Variants in COL9A1 observed in about 807,000 individuals in gnomAD.
COL9A1 encodes the protein collagen type IX alpha 1 chain.
In COL9A1, 104 loss-of-function variants were observed where a neutral mutation model predicts 142.6. The ratio of observed to expected loss-of-function variants is 0.73; its 90% CI spans 0.62 to 0.86. COL9A1 has a LOEUF of 0.86. COL9A1 is among the 40% of genes least tolerant of loss of function. The pLI is 0.00. For missense variants in COL9A1, 1,210 were observed against 1,176.6 expected, an observed-to-expected ratio of 1.03 and a Z score of -0.42; for synonymous variants, 466 against 396.0, an observed-to-expected ratio of 1.18 and a Z score of -2.10.
At chr6:70,274,651 C>A in intron 11 of COL9A1, 68 bp downstream of exon 11, 11 of 1,309,132 alleles carry the variant, frequency 8.4e-6, no homozygotes, top group Non-Finnish European at 1.2e-5. Context: ...AGTTGGCTTG[C>A]AAACACTGCA....
rs775972757 is a variant in COL9A1, at chr6:70,255,396, T to C, written c.1504-6A>G. On this transcript the variant is annotated splice_polypyrimidine_tract_variant and splice_region_variant and intron_variant, in intron 21 of 37. Transcript: ENST00000357250. ...CCTCGCTGTCCTTGATCACCCTGTA[T>C]GAAAATAAAATTTTGTTAATACAAG... is the stretch of plus-strand genomic sequence containing the variant. 6.2e-7 allele frequency: 1 copy of C among 1,613,938 alleles called. No homozygotes were observed. The highest frequency in any genetic ancestry group is 8.5e-7 in the Non-Finnish European group (1 of 1,179,822).
At chr6:70,263,594 CAA>C (rs1045744050) in intron 18 of COL9A1, among the ~76,000 whole-genome samples, 32 of 151,654 alleles carry the variant, frequency 2.1e-4, no homozygotes, top group African/African-American at 4.8e-4. Flanking sequence ...GGAAGAGAGA[CAA>C]AGATATCAAG....
At chr6:70,263,355 T>C (rs954147871) in intron 18 of COL9A1, 58 bp from the exon 19 acceptor site, 14 of 1,470,756 alleles carry the variant, frequency 9.5e-6, no homozygotes, top group Non-Finnish European at 1.3e-5. Context: ...CAAACGAACA[T>C]AGAAATAGGC....
chr6:70,290,812 G>C (rs1773630532), intron 5 of COL9A1, among the ~76,000 whole-genome samples: 1 of 152,126 alleles, frequency 6.6e-6, no homozygotes, highest in Non-Finnish European at 1.5e-5. Flanking sequence ...AATGTAGAGT[G>C]TCAAAGATTA....
Position 70,280,995 on chromosome 6 carries a change from T to C in COL9A1, c.912+9A>G. The C allele has an allele frequency of 6.2e-7, 1 of 1,613,588 alleles. No individual in the cohort carries two copies. The highest frequency in any genetic ancestry group is 1.1e-5 in the South Asian group (1 of 91,074). On this transcript the variant is annotated intron_variant, in intron 9 of 37. Transcript: ENST00000357250. The stretch of plus-strand genomic sequence containing the variant: ...GGAAGTGGAGCGCCATATGCTCCAA[T>C]CAACTTACCGGGGGGCCCGGGGGGC...
At chr6:70,265,893 T>C (rs920348154) in intron 18 of COL9A1, among the ~76,000 whole-genome samples, 2 of 152,134 alleles carry the variant, frequency 1.3e-5, no homozygotes, top group Non-Finnish European at 2.9e-5. Context: ...GCCTCTTGAG[T>C]TCTTGACTTC....
chr6:70,274,873 T>C, intron 10 of COL9A1, 101 bp from the exon 11 acceptor site: 8 of 899,210 alleles, frequency 8.9e-6, no homozygotes, highest in Non-Finnish European at 1.5e-5. Context: ...TACAGGATGG[T>C]TACATAAGTA....
rs140561415 is a variant in COL9A1, at chr6:70,286,317, C to T, written c.697-2497G>A. On this transcript the variant is annotated intron_variant, in intron 5 of 37. Coordinates refer to ENST00000357250, the MANE Select transcript of COL9A1 (RefSeq NM_001851.6). ...CTCTCTATTCTTTTACCAAGGTTAA[C>T]GATTTCTACTTATTTTGCCAGGTTG... 2.2e-3 allele frequency among the ~76,000 whole-genome samples: 329 copies of T among 152,246 alleles called. 2 individuals carry two copies. Among genetic ancestry groups the T allele is most frequent in the African/African-American group, 7.4e-3 (309 of 41,540 alleles).
At chr6:70,280,292 A>T in intron 10 of COL9A1, 1 of 1,231,478 alleles carries the variant, frequency 8.1e-7, no homozygotes, top group Admixed American at 3.8e-5. Flanking sequence ...ATCCCCACTC[A>T]CTTCAAGTGC....
At position 70,228,774 on chromosome 6, in the gene COL9A1, C is replaced by T. The variant is rs77452183; in HGVS notation, c.2504-2765G>A. Among the ~76,000 whole-genome samples, 1,172 of 152,154 alleles carry T rather than the reference C, an allele frequency of 7.7e-3. 8 individuals are homozygous for T. The highest frequency in any genetic ancestry group is 0.012 in the Non-Finnish European group (843 of 67,974). ...ATTTAAATTTATATAAATACTATGACGGATTGAACTCAGGTTGAACTCATA... is the reference window on the plus strand; with the variant it reads ...ATTTAAATTTATATAAATACTATGATGGATTGAACTCAGGTTGAACTCATA... On this transcript the variant is annotated intron_variant, in intron 36 of 37. Coordinates refer to ENST00000357250, the MANE Select transcript of COL9A1 (RefSeq NM_001851.6).
Position 70,217,095 on chromosome 6 carries a change from A to G in COL9A1, c.2582-14T>C. On this transcript the variant is annotated splice_polypyrimidine_tract_variant and intron_variant, in intron 37 of 37. Coordinates refer to ENST00000357250, the MANE Select transcript of COL9A1 (RefSeq NM_001851.6). The stretch of plus-strand genomic sequence containing the variant: ...GGCCTGGGTCACCTGAAACACACAG[A>G]AGATTGCACATGTGAACAGGAGAAT... The G allele has an allele frequency of 6.2e-7, 1 of 1,613,678 alleles. No individual in the cohort carries two copies. The highest frequency in any genetic ancestry group is 8.5e-7 in the Non-Finnish European group (1 of 1,179,816).
At chr6:70,267,626 G>T (rs1772114801) in intron 17 of COL9A1, among the ~76,000 whole-genome samples, 1 of 152,090 alleles carries the variant, frequency 6.6e-6, no homozygotes, top group Admixed American at 6.5e-5. Flanking sequence ...CCGGCCTACT[G>T]TGTACAGTTT....
At position 70,266,783 on chromosome 6, in the gene COL9A1, A is replaced by G. The variant is rs1772045513; in HGVS notation, c.1288-13T>C. 1.2e-6 allele frequency: 2 copies of G among 1,610,188 alleles called. No individual in the cohort carries two copies. The highest frequency in any genetic ancestry group is 8.5e-7 in the Non-Finnish European group (1 of 1,176,684). On this transcript the variant is annotated splice_polypyrimidine_tract_variant and intron_variant, in intron 17 of 37. Coordinates refer to ENST00000357250, the MANE Select transcript of COL9A1 (RefSeq NM_001851.6). ...CCCCTTTATGACCCTAACAAATGCA[A>G]AATAAGTAATTGTCTTGAGTTTGGT...
At chr6:70,299,092 G>C (rs750263719) in intron 4 of COL9A1, among the ~76,000 whole-genome samples, 2 of 152,042 alleles carry the variant, frequency 1.3e-5, no homozygotes, top group Non-Finnish European at 2.9e-5. Context: ...TAAATTTATA[G>C]AAAGAGCTCA....
rs185127562 is a variant in COL9A1 at position 70,293,694 on chromosome 6, A to T, written c.696+473T>A. Among the ~76,000 whole-genome samples the T allele has an allele frequency of 6.7e-4, 100 of 150,268 alleles. 2 individuals carry two copies. The East Asian group carries it at 0.017, about 25-fold the overall frequency. ...ACACACATTTTCATATACATATATCATCCAAATCAGCGAGTCCCTAGGCCT... is the reference window on the plus strand; with the variant it reads ...ACACACATTTTCATATACATATATCTTCCAAATCAGCGAGTCCCTAGGCCT... On this transcript the variant is annotated intron_variant, in intron 5 of 37. Coordinates refer to ENST00000357250, the MANE Select transcript of COL9A1 (RefSeq NM_001851.6).
At chr6:70,249,165 G>C (rs537875132) in intron 28 of COL9A1, among the ~76,000 whole-genome samples, 8 of 117,830 alleles carry the variant, frequency 6.8e-5, no homozygotes, top group Non-Finnish European at 1.5e-4. Flanking sequence ...CTTACTGTCC[G>C]TGGAAATCCA....
At chr6:70,239,081 G>T (rs1308231611) in intron 33 of COL9A1, among the ~76,000 whole-genome samples, 173 bp downstream of exon 33, 1 of 152,106 alleles carries the variant, frequency 6.6e-6, no homozygotes, top group Non-Finnish European at 1.5e-5. Flanking sequence ...AGAGGTTGCA[G>T]TGAGCCAAGA....
In COL9A1 at chr6:70,270,253, TA is replaced by T; in HGVS notation, c.1197+60del. The T allele has an allele frequency of 3.3e-6, 5 of 1,531,106 alleles. No homozygotes were observed. The South Asian group carries it at 5.6e-5, about 17-fold the overall frequency. The allele number at this position is 1,531,106 out of a possible 1,614,324, so 94.8% of individuals were successfully genotyped here. A position where few individuals can be genotyped will look rare whatever the true frequency, so the allele number is the denominator to read the frequency against. ...AATAGGAACTTCCATTTTGGATTCT[TA>T]GATTTTTTTCAACCCTGACTCTCAG... On this transcript the variant is annotated intron_variant, in intron 15 of 37. Coordinates refer to ENST00000357250, the MANE Select transcript of COL9A1 (RefSeq NM_001851.6).
intron 1 of COL9A1, 89 bp from the exon 2 acceptor site, chr6:70,302,163 A>C: frequency 1.3e-6 from 1 of 749,806 alleles, no homozygotes; most frequent in Non-Finnish European, 2.3e-6. Flanking sequence ...AACCTAATTA[A>C]TGTAAGGTGA....
Sources: gnomAD v4.1 joint callset for allele counts (sites outside exome capture counted in the v4.1 genomes callset) on GRCh38, gnomAD v4.1.1 for gene constraint, MANE v1.5 for transcripts, NCBI Gene and HGNC (gene_info 2026-07-23, HGNC 2026-07-21) for gene names.